The following SLC9B1 variants were observed in gnomAD, a reference collection of about 807,000 sequenced individuals.
SLC9B1 encodes solute carrier family 9 member B1.
A neutral mutation model predicts 51.7 loss-of-function variants in SLC9B1; 32 were observed. The observed-to-expected ratio is 0.62, with a 90% CI of 0.47 to 0.83. SLC9B1 has a LOEUF of 0.83. Among genes scored for constraint, SLC9B1 ranks in the 40% least tolerant of loss-of-function variants. The pLI, the probability that SLC9B1 is intolerant of heterozygous loss-of-function variation, is 0.00. For missense variants in SLC9B1, 406 were observed against 613.2 expected (o/e 0.66, Z 3.57); for synonymous variants, 145 against 212.7 (o/e 0.68, Z 2.77).
intron 6 of SLC9B1, among the ~76,000 whole-genome samples, chr4:102,943,167 A>T (rs1190208446): frequency 2.4e-5 from 1 of 41,558 alleles, no homozygotes; most frequent in African/African-American, 8.7e-5. Context: ...TCAAAAAAAT[A>T]AAAAAAAAAA....
At chr4:102,994,630 G>T (rs1452720351) in intron 1 of SLC9B1, among the ~76,000 whole-genome samples, 3 of 152,116 alleles carry the variant, frequency 2.0e-5, no homozygotes, top group African/African-American at 7.2e-5. Flanking sequence ...CTACTACAAA[G>T]AAATACCCGA....
intron 4 of SLC9B1, among the ~76,000 whole-genome samples, chr4:102,948,609 T>C (rs1350124178): frequency 6.6e-6 from 1 of 152,176 alleles, no homozygotes; most frequent in African/African-American, 2.4e-5. Flanking sequence ...GTGGTACATA[T>C]ACACCATGGA....
At chr4:102,991,399 TTTC>T (rs1739932297) in intron 2 of SLC9B1, among the ~76,000 whole-genome samples, 1 of 152,110 alleles carries the variant, frequency 6.6e-6, no homozygotes, top group African/African-American at 2.4e-5. Flanking sequence ...ATAAGCGACA[TTTC>T]TTCTTATTCC....
At chr4:103,015,879 C>A (rs770042589) in intron 1 of SLC9B1, among the ~76,000 whole-genome samples, 7 of 151,766 alleles carry the variant, frequency 4.6e-5, no homozygotes, top group Non-Finnish European at 1.0e-4. Flanking sequence ...ACCTGTAATC[C>A]CAGCACTGTG....
At chr4:103,006,863 A>G (rs1306359608) in intron 1 of SLC9B1, among the ~76,000 whole-genome samples, 1 of 152,244 alleles carries the variant, frequency 6.6e-6, no homozygotes, top group Non-Finnish European at 1.5e-5. Flanking sequence ...TCATCACATA[A>G]TTAGAACTAA....
At chr4:103,012,710 A>G (rs374052080) in intron 1 of SLC9B1, among the ~76,000 whole-genome samples, 1 of 152,198 alleles carries the variant, frequency 6.6e-6, no homozygotes, top group Non-Finnish European at 1.5e-5. Context: ...ACAATTCTGG[A>G]GGCTGGGAAA....
chr4:102,926,734 T>C (rs1490037981), intron 7 of SLC9B1, among the ~76,000 whole-genome samples: 3 of 151,976 alleles, frequency 2.0e-5, no homozygotes, highest in Admixed American at 6.6e-5. Flanking sequence ...CTTCACAGAA[T>C]TGGAAAAAAA....
At chr4:103,015,090 A>G (rs953938654) in intron 1 of SLC9B1, among the ~76,000 whole-genome samples, 4 of 152,188 alleles carry the variant, frequency 2.6e-5, no homozygotes, top group Admixed American at 6.5e-5. Flanking sequence ...CAAGATTTTC[A>G]AAGTTCATTC....
chr4:102,920,679 T>C (rs1735828419), intron 7 of SLC9B1, among the ~76,000 whole-genome samples: 1 of 152,110 alleles, frequency 6.6e-6, no homozygotes, highest in South Asian at 2.1e-4. Context: ...ATTAGATGAA[T>C]GGCTTACAAG....
In SLC9B1 at chr4:102,913,746, C is replaced by T. The variant is rs543258661; in HGVS notation, c.830-2209G>A. Among the ~76,000 whole-genome samples, 13 of 114,062 alleles carry T rather than the reference C, an allele frequency of 1.1e-4. No individual in the cohort carries two copies. In the South Asian group the frequency reaches 3.5e-3, roughly 31 times the overall value. The allele number at this position is 114,062 out of a possible 152,430, so 74.8% of individuals were successfully genotyped here. On this transcript the variant is annotated intron_variant, in intron 7 of 11. Coordinates refer to ENST00000296422, the MANE Select transcript of SLC9B1 (RefSeq NM_139173.4). ...ACAGAAATAGATAACTAAATGAAAG[C>T]AGGAAATAATTCATGAACAAAATGA...
At chr4:102,909,718 G>A (rs200107369) in intron 9 of SLC9B1, among the ~76,000 whole-genome samples, 3 of 143,138 alleles carry the variant, frequency 2.1e-5, no homozygotes, top group East Asian at 2.0e-4. Flanking sequence ...AAATGTAAGG[G>A]GGTTTGATAT....
intron 7 of SLC9B1, among the ~76,000 whole-genome samples, chr4:102,922,703 A>C (rs1578349076): frequency 6.6e-6 from 1 of 152,204 alleles, no homozygotes; most frequent in Non-Finnish European, 1.5e-5. Flanking sequence ...AAATAGATGC[A>C]ATAAAAATGA....
At chr4:103,015,016 T>C (rs571102772) in intron 1 of SLC9B1, 5 of 152,336 alleles carry the variant, frequency 3.3e-5, no homozygotes, top group African/African-American at 7.2e-5. Flanking sequence ...ATTATTATTA[T>C]TGTTATTAAA....
At chr4:103,010,384 ATGT>A in intron 1 of SLC9B1, among the ~76,000 whole-genome samples, 1 of 152,136 alleles carries the variant, frequency 6.6e-6, no homozygotes. Context: ...AACCTCACCC[ATGT>A]GGGCACAGCC....
chr4:102,914,105 G>T (rs1218504600), intron 7 of SLC9B1, among the ~76,000 whole-genome samples: 1 of 151,890 alleles, frequency 6.6e-6, no homozygotes, highest in Non-Finnish European at 1.5e-5. Context: ...GGGAAGTGGG[G>T]ACTGCTGATT....
At chr4:102,996,482 T>G (rs1048652877) in intron 1 of SLC9B1, among the ~76,000 whole-genome samples, 1 of 152,188 alleles carries the variant, frequency 6.6e-6, no homozygotes, top group African/African-American at 2.4e-5. Context: ...CTCCTATATA[T>G]TCTTCCACAA....
At chr4:102,940,223 A>G (rs10017313) in intron 6 of SLC9B1, among the ~76,000 whole-genome samples, 87,410 of 151,984 alleles carry the variant, frequency 0.58, 26,406 homozygotes, top group African/African-American at 0.78. Flanking sequence ...TCCAAGCTGA[A>G]AGCCAAATCA....
intron 7 of SLC9B1, among the ~76,000 whole-genome samples, chr4:102,929,110 C>T (rs1048069949): frequency 3.3e-5 from 5 of 152,292 alleles, no homozygotes; most frequent in African/African-American, 4.8e-5. Flanking sequence ...CAGACACAAC[C>T]GGGAACAATA....
chr4:102,965,388 A>C (rs1738369484), intron 3 of SLC9B1, among the ~76,000 whole-genome samples: 1 of 152,140 alleles, frequency 6.6e-6, no homozygotes, highest in Admixed American at 6.5e-5. Flanking sequence ...CACAAGGTAC[A>C]ACCTTGTACA....
Sources: allele counts gnomAD v4.1 joint callset (sites outside exome capture counted in the v4.1 genomes callset), GRCh38; gene constraint gnomAD v4.1.1; transcripts MANE v1.5; gene names NCBI Gene and HGNC (gene_info 2026-07-23, HGNC 2026-07-21).